SIDT1: variants seen among roughly 807,000 people sequenced by gnomAD.
SIDT1 encodes SID1 transmembrane family member 1, also known as SID1 transmembrane family, member 1.
In SIDT1, 101 loss-of-function variants were observed where a neutral mutation model predicts 107.5. The observed-to-expected ratio is 0.94, with a 90% CI of 0.80 to 1.11. SIDT1 has a LOEUF of 1.11. Ranked by LOEUF, SIDT1 falls within the 50% of genes least tolerant of loss-of-function variation. The pLI is 0.00. For missense variants in SIDT1, 1,076 were observed against 1,058.2 expected, an observed-to-expected ratio of 1.02 and a Z score of -0.23; for synonymous variants, 395 against 398.2, an observed-to-expected ratio of 0.99 and a Z score of 0.10.
intron 3 of SIDT1, among the ~76,000 whole-genome samples, chr3:113,576,076 A>G (rs530486821): frequency 6.6e-6 from 1 of 152,208 alleles, no homozygotes; most frequent in Non-Finnish European, 1.5e-5. Context: ...AGAAGACCAC[A>G]TTTGTCTTTG....
At chr3:113,603,335 C>A (rs1160343080) in intron 12 of SIDT1, among the ~76,000 whole-genome samples, 185 bp downstream of exon 12, 2 of 151,736 alleles carry the variant, frequency 1.3e-5, no homozygotes, top group Non-Finnish European at 2.9e-5. Context: ...TTTTTTTTCT[C>A]GCGGAAGAAA....
intron 1 of SIDT1, among the ~76,000 whole-genome samples, chr3:113,536,978 T>C (rs1278851438): frequency 6.6e-6 from 1 of 152,208 alleles, no homozygotes; most frequent in African/African-American, 2.4e-5. Flanking sequence ...GCCAGGGATA[T>C]GTTTGACTGG....
intron 3 of SIDT1, among the ~76,000 whole-genome samples, chr3:113,571,982 T>A (rs551412086): frequency 6.6e-6 from 1 of 152,272 alleles, no homozygotes; most frequent in East Asian, 1.9e-4. Context: ...GTGATAGTTG[T>A]GTGGAGAATG....
rs144146634 is a variant in SIDT1 at position 113,608,455 on chromosome 3, G to T, written c.1639G>T (p.Ala547Ser). The T allele has an allele frequency of 6.2e-6, 10 of 1,613,960 alleles. No homozygotes were observed. The African/African-American group carries it at 1.2e-4, about 19-fold the overall frequency. Residue 547 changes from alanine (A) to serine (S), a missense_variant, in exon 17 of 25, where the codon GCT (alanine) becomes TCT (serine). Ala to Ser is a moderately conservative substitution (Grantham distance 99). Coordinates refer to ENST00000264852, the MANE Select transcript of SIDT1 (RefSeq NM_017699.3). Reference sequence around the variant, plus strand: ...TCCCAAACACTTTGGTCTCTTCTACGCTATGGGCATTGCATTGATGATGGA... The same window carrying T: ...TCCCAAACACTTTGGTCTCTTCTACTCTATGGGCATTGCATTGATGATGGA... The part of the protein sequence containing the change: ...GIPKHFGLFY[A>S]MGIALMMEGV...
chr3:113,560,466 C>T (rs1941325957), intron 1 of SIDT1, among the ~76,000 whole-genome samples: 1 of 152,164 alleles, frequency 6.6e-6, no homozygotes, highest in Non-Finnish European at 1.5e-5. Flanking sequence ...CAGGGCAAAT[C>T]CTCAGTAAAT....
chr3:113,592,007 A>C (rs1944193791), intron 9 of SIDT1, among the ~76,000 whole-genome samples: 1 of 152,242 alleles, frequency 6.6e-6, no homozygotes, highest in African/African-American at 2.4e-5. Flanking sequence ...ATGAACCTTG[A>C]AAACGTTACA....
At chr3:113,623,781 G>A in intron 23 of SIDT1, 48 bp downstream of exon 23, 1 of 1,312,128 alleles carries the variant, frequency 7.6e-7, no homozygotes, top group Non-Finnish European at 1.1e-6. Flanking sequence ...TCTCCAACTT[G>A]CCATTTTGGC....
chr3:113,592,949 T>C lies in SIDT1; in HGVS notation c.1002-56T>C, dbSNP rs1553799009. ...CGCAACAAAATCTATAAGGAACAAA[T>C]GTAAAATGCTGAGGTTTTCACTGTC... is the stretch of plus-strand genomic sequence containing the variant. On this transcript the variant is annotated intron_variant, in intron 9 of 24. Transcript: ENST00000264852. 16 of 1,337,062 alleles carry C rather than the reference T, an allele frequency of 1.2e-5. No homozygotes were observed. The South Asian group carries it at 1.5e-4, about 13-fold the overall frequency. 82.8% of individuals were successfully genotyped at this position (1,337,062 alleles called of 1,614,324 possible).
chr3:113,592,754 AT>A lies in SIDT1; in HGVS notation c.1002-246del, dbSNP rs199511567. The stretch of plus-strand genomic sequence containing the variant: ...AGGCACCTGCCATCACGCCCAGCTA[AT>A]TTTTGTATTTTTATTAGAGACGGGG... On this transcript the variant is annotated intron_variant, in intron 9 of 24. Coordinates refer to ENST00000264852, the MANE Select transcript of SIDT1 (RefSeq NM_017699.3). 6.1e-3 allele frequency: 2,435 copies of A among 399,112 alleles called. 58 individuals carry two copies. The highest frequency in any genetic ancestry group is 0.046 in the African/African-American group (2,247 of 48,830). 24.7% of individuals were successfully genotyped at this position (399,112 alleles called of 1,614,324 possible).
chr3:113,603,189 A>G, intron 12 of SIDT1, 39 bp downstream of exon 12: 2 of 1,576,172 alleles, frequency 1.3e-6, no homozygotes, highest in East Asian at 2.3e-5. Context: ...GAGAGGGCAG[A>G]AAGTTTGGCA....
At chr3:113,534,487 A>G (rs1163189105) in intron 1 of SIDT1, among the ~76,000 whole-genome samples, 2 of 152,176 alleles carry the variant, frequency 1.3e-5, no homozygotes, top group African/African-American at 2.4e-5. Context: ...TTCAGGTTAT[A>G]TGTTCTGTAG....
intron 1 of SIDT1, among the ~76,000 whole-genome samples, chr3:113,544,433 A>T (rs947937396): frequency 6.6e-6 from 1 of 152,028 alleles, no homozygotes. Flanking sequence ...CTTGTGATCC[A>T]CCCAGCTCGG....
intron 17 of SIDT1, 140 bp from the exon 18 acceptor site, chr3:113,610,868 G>A (rs908019825): frequency 2.0e-6 from 2 of 984,336 alleles, no homozygotes; most frequent in South Asian, 1.6e-5. Context: ...CATGTTAGAG[G>A]TCTCCACACA....
In SIDT1 at chr3:113,627,710, C is replaced by A. The variant is rs766979488; in HGVS notation, c.*2C>A. ...AGAGACCAGATCCCTGTCTTCTGAA[C>A]CTCCAACATTAAGAGAGGGGAGGGA... is the stretch of plus-strand genomic sequence containing the variant. On this transcript the variant is annotated 3_prime_UTR_variant, in exon 25 of 25. Coordinates refer to ENST00000264852, the MANE Select transcript of SIDT1 (RefSeq NM_017699.3). The A allele has an allele frequency of 1.2e-6, 2 of 1,613,174 alleles. No individual in the cohort carries two copies. The highest frequency in any genetic ancestry group is 3.3e-5 in the Admixed American group (2 of 60,002).
chr3:113,595,679 A>G (rs752550629), intron 10 of SIDT1, among the ~76,000 whole-genome samples: 1 of 152,154 alleles, frequency 6.6e-6, no homozygotes, highest in Non-Finnish European at 1.5e-5. Context: ...AAACACATGA[A>G]GACACCTAAA....
chr3:113,596,739 C>G (rs1270988171), intron 10 of SIDT1, among the ~76,000 whole-genome samples: 1 of 152,220 alleles, frequency 6.6e-6, no homozygotes, highest in African/African-American at 2.4e-5. Flanking sequence ...AATTCAGTTA[C>G]CAGCTGAGAA....
chr3:113,611,177 G>A (rs771671137), intron 18 of SIDT1, 33 bp downstream of exon 18: 63 of 1,607,906 alleles, frequency 3.9e-5, no homozygotes, highest in Admixed American at 1.0e-4. Flanking sequence ...CCTGGCTCTC[G>A]AAAAGTGCCC....
chr3:113,581,715 A>C (rs1409107106), intron 6 of SIDT1: 1 of 366,634 alleles, frequency 2.7e-6, no homozygotes, highest in African/African-American at 2.1e-5. Context: ...TCCACTAAAA[A>C]TACAAAAATT....
intron 1 of SIDT1, among the ~76,000 whole-genome samples, chr3:113,543,518 G>A (rs1422821526): frequency 2.0e-5 from 3 of 152,044 alleles, no homozygotes; most frequent in Non-Finnish European, 4.4e-5. Flanking sequence ...TTGATAACTT[G>A]CTCCCACCCA....
Sources: gnomAD v4.1 joint callset for allele counts (sites outside exome capture counted in the v4.1 genomes callset) on GRCh38, gnomAD v4.1.1 for gene constraint, MANE v1.5 for transcripts, NCBI Gene and HGNC (gene_info 2026-07-23, HGNC 2026-07-21) for gene names.